Variants in CACNA1C observed in about 807,000 individuals in gnomAD.
The protein encoded by CACNA1C is calcium voltage-gated channel subunit alpha1 C.
A neutral mutation model predicts 229.0 loss-of-function variants in CACNA1C; 30 were observed. The observed-to-expected ratio is 0.13, with a 90% CI of 0.10 to 0.18. The LOEUF is 0.18. Among genes scored for constraint, CACNA1C ranks in the 10% least tolerant of loss-of-function variants. The probability of loss-of-function intolerance (pLI) is 1.00; values close to 1 mark genes in which losing one functional copy is unlikely to be tolerated. For synonymous variants in CACNA1C, 1,114 were observed against 1,132.5 expected (o/e 0.98, Z 0.33); for missense variants, 1,658 against 2,845.0 (o/e 0.58, Z 9.49).
chr12:2,481,141 C>T (rs1323872327), intron 5 of CACNA1C, among the ~76,000 whole-genome samples: 1 of 152,048 alleles, frequency 6.6e-6, no homozygotes, highest in East Asian at 1.9e-4. Flanking sequence ...TCTCTGGGGC[C>T]CTGAGCAGAA....
At chr12:2,687,401 C>T (rs986666108) in intron 45 of CACNA1C, among the ~76,000 whole-genome samples, 1 of 152,216 alleles carries the variant, frequency 6.6e-6, no homozygotes, top group Non-Finnish European at 1.5e-5. Flanking sequence ...CGCTCTCTCC[C>T]GGGAGCACAT....
intron 9 of CACNA1C, among the ~76,000 whole-genome samples, chr12:2,527,276 C>G (rs750270597): frequency 1.3e-5 from 2 of 152,126 alleles, no homozygotes; most frequent in South Asian, 2.1e-4. Context: ...GAAGACAAAC[C>G]GCAGGCCAGC....
At chr12:2,169,147 G>A (rs1040150977) in intron 3 of CACNA1C, among the ~76,000 whole-genome samples, 9 of 152,094 alleles carry the variant, frequency 5.9e-5, no homozygotes, top group Admixed American at 3.3e-4. Flanking sequence ...TCTGTAAATC[G>A]ATCCCGCACT....
intron 3 of CACNA1C, among the ~76,000 whole-genome samples, chr12:2,432,359 C>T (rs973885650): frequency 2.0e-5 from 3 of 152,148 alleles, no homozygotes; most frequent in Non-Finnish European, 4.4e-5. Context: ...ATTGCTGGTG[C>T]CCTGGTGCTC....
In CACNA1C at chr12:2,421,766, C is replaced by T. The variant is rs551931194; in HGVS notation, c.478-27210C>T. On this transcript the variant is annotated intron_variant, in intron 3 of 46. Transcript: ENST00000399655. ...TCTCTACCAAAATACAAAAAATTAGCTGGGTGTGGTGGTGTGCACCTGTAG... is the reference window on the plus strand; with the variant it reads ...TCTCTACCAAAATACAAAAAATTAGTTGGGTGTGGTGGTGTGCACCTGTAG... Among the ~76,000 whole-genome samples the T allele has an allele frequency of 2.0e-5, 3 of 152,226 alleles. No homozygotes were observed. The East Asian group carries it at 5.8e-4, about 29-fold the overall frequency.
intron 3 of CACNA1C, among the ~76,000 whole-genome samples, chr12:2,126,245 A>G (rs1302072138): frequency 6.6e-6 from 1 of 152,232 alleles, no homozygotes; most frequent in Admixed American, 6.5e-5. Context: ...ATGCTAGTGA[A>G]GCATAATGAA....
chr12:2,530,322 C>A (rs1017307455), intron 9 of CACNA1C, among the ~76,000 whole-genome samples: 5 of 152,222 alleles, frequency 3.3e-5, no homozygotes, highest in African/African-American at 1.2e-4. Context: ...TGTCATTAGA[C>A]TAACCCAATT....
chr12:2,040,675 G>A (rs554410926), intron 1 of CACNA1C, among the ~76,000 whole-genome samples: 23 of 152,302 alleles, frequency 1.5e-4, no homozygotes, highest in African/African-American at 5.3e-4. Flanking sequence ...GAAAATGGTT[G>A]GAATTGTGGT....
At chr12:2,495,643 T>C (rs2099745189) in intron 7 of CACNA1C, among the ~76,000 whole-genome samples, 1 of 152,182 alleles carries the variant, frequency 6.6e-6, no homozygotes, top group African/African-American at 2.4e-5. Flanking sequence ...AGCAGCTGTG[T>C]TGTGCCTTCT....
chr12:2,621,131 T>C, intron 29 of CACNA1C, among the ~76,000 whole-genome samples: 1 of 152,220 alleles, frequency 6.6e-6, no homozygotes, highest in Admixed American at 6.5e-5. Flanking sequence ...TAAGTAGTTC[T>C]TGAGCGCCTC....
At chr12:2,341,675 C>A (rs1156765651) in intron 3 of CACNA1C, among the ~76,000 whole-genome samples, 2 of 152,252 alleles carry the variant, frequency 1.3e-5, no homozygotes, top group African/African-American at 2.4e-5. Context: ...TTCCTGAGGG[C>A]AAGACCAGGT....
At chr12:2,484,586 C>G (rs1489665139) in intron 5 of CACNA1C, among the ~76,000 whole-genome samples, 1 of 152,160 alleles carries the variant, frequency 6.6e-6, no homozygotes, top group Non-Finnish European at 1.5e-5. Flanking sequence ...CCCACACCCA[C>G]CGTTCTCTTG....
chr12:2,572,297 T>TTCCTCC (rs144703116), intron 13 of CACNA1C, among the ~76,000 whole-genome samples: 59 of 111,864 alleles, frequency 5.3e-4, no homozygotes, highest in East Asian at 4.7e-3. Context: ...TTGATTATTA[T>TTCCTCC]TCCTCCTCCT....
intron 3 of CACNA1C, among the ~76,000 whole-genome samples, chr12:2,301,996 T>G (rs2094595622): frequency 6.6e-6 from 1 of 152,254 alleles, no homozygotes; most frequent in Non-Finnish European, 1.5e-5. Flanking sequence ...TTCAGTAATC[T>G]TACAAAAAGT....
At chr12:2,625,660 C>T (rs1001893732) in intron 29 of CACNA1C, among the ~76,000 whole-genome samples, 4 of 152,054 alleles carry the variant, frequency 2.6e-5, no homozygotes, top group Non-Finnish European at 5.9e-5. Context: ...CTCACAAAGC[C>T]CTATAAGGGG....
chr12:2,283,164 T>C (rs1014688094), intron 3 of CACNA1C, among the ~76,000 whole-genome samples: 1 of 152,104 alleles, frequency 6.6e-6, no homozygotes, highest in African/African-American at 2.4e-5. Flanking sequence ...AGCCTGAAAT[T>C]CCACATTTTG....
chr12:2,590,650 C>T (rs1011613456), intron 18 of CACNA1C, among the ~76,000 whole-genome samples: 1 of 152,156 alleles, frequency 6.6e-6, no homozygotes, highest in Non-Finnish European at 1.5e-5. Context: ...TGCTTCTCCC[C>T]AGGAATGGAG....
chr12:2,179,410 C>T (rs1315680899), intron 3 of CACNA1C, among the ~76,000 whole-genome samples: 1 of 152,180 alleles, frequency 6.6e-6, no homozygotes, highest in Non-Finnish European at 1.5e-5. Flanking sequence ...GGAAAACATA[C>T]CAACCTGTTA....
intron 1 of CACNA1C, among the ~76,000 whole-genome samples, chr12:1,980,263 T>C (rs1209381000): frequency 1.3e-5 from 2 of 152,196 alleles, no homozygotes; most frequent in Admixed American, 6.5e-5. Context: ...AATGATGCAG[T>C]GGAGTACTAC....
Sources: gnomAD v4.1 joint callset for allele counts (sites outside exome capture counted in the v4.1 genomes callset) on GRCh38, gnomAD v4.1.1 for gene constraint, MANE v1.5 for transcripts, NCBI Gene and HGNC (gene_info 2026-07-23, HGNC 2026-07-21) for gene names.